PUM2: variants seen among roughly 807,000 people sequenced by gnomAD.
The protein encoded by PUM2 is pumilio RNA binding family member 2.
PUM2 carries 57 observed loss-of-function variants against 124.5 expected under a neutral mutation model. The observed-to-expected ratio is 0.46, with a 90% CI of 0.37 to 0.57. The LOEUF (loss-of-function observed/expected upper bound fraction) is 0.57, where lower values mean the gene tolerates loss of function less well. Ranked by LOEUF, PUM2 falls within the 20% of genes least tolerant of loss-of-function variation. The pLI is 0.00. For missense variants in PUM2, 1,065 were observed against 1,290.6 expected, an observed-to-expected ratio of 0.83 and a Z score of 2.68; for synonymous variants, 460 against 446.1, an observed-to-expected ratio of 1.03 and a Z score of -0.39.
At chr2:20,258,485 G>T in intron 15 of PUM2, 114 bp from the exon 16 acceptor site, 2 of 969,796 alleles carry the variant, frequency 2.1e-6, no homozygotes, top group Non-Finnish European at 2.9e-6. Context: ...TAGGGCAGGG[G>T]CTTTAAGGTA....
At chr2:20,306,518 T>G (rs1678336703) in intron 7 of PUM2, among the ~76,000 whole-genome samples, 1 of 144,848 alleles carries the variant, frequency 6.9e-6, no homozygotes, top group Non-Finnish European at 1.5e-5. Flanking sequence ...ATAAAGCGGG[T>G]GGGGAAAAAA....
intron 1 of PUM2, among the ~76,000 whole-genome samples, chr2:20,343,510 G>T (rs1687627280): frequency 6.6e-6 from 1 of 152,180 alleles, no homozygotes; most frequent in South Asian, 2.1e-4. Context: ...AGTTGTGCTA[G>T]TAATTGTACA....
At chr2:20,272,968 T>C (rs1443151916) in intron 13 of PUM2, among the ~76,000 whole-genome samples, 2 of 152,218 alleles carry the variant, frequency 1.3e-5, no homozygotes, top group African/African-American at 2.4e-5. Context: ...TTCTAAGAGA[T>C]ATATGCTACT....
chr2:20,279,664 T>C (rs966847688), intron 12 of PUM2, among the ~76,000 whole-genome samples: 1 of 152,170 alleles, frequency 6.6e-6, no homozygotes, highest in Non-Finnish European at 1.5e-5. Flanking sequence ...GTAACTATTA[T>C]CCTTCTAATC....
At chr2:20,342,162 T>C (rs1026975618) in intron 1 of PUM2, among the ~76,000 whole-genome samples, 9 of 151,752 alleles carry the variant, frequency 5.9e-5, no homozygotes, top group Admixed American at 5.9e-4. Flanking sequence ...AAAGAAATGT[T>C]AACTAAATTG....
chr2:20,305,786 A>G (rs1219787135), intron 7 of PUM2, among the ~76,000 whole-genome samples: 2 of 152,232 alleles, frequency 1.3e-5, no homozygotes, highest in African/African-American at 4.8e-5. Context: ...GAAGAAAGCC[A>G]TTTACAATAA....
rs921130239 is a variant in PUM2 at position 20,257,372 on chromosome 2, T to C, written c.2484+871A>G. The stretch of plus-strand genomic sequence containing the variant: ...TCATCCATCCATATATTACTATTTA[T>C]TGAAATTTTCTTTTATTGTATGAGT... On this transcript the variant is annotated intron_variant, in intron 16 of 20. Coordinates refer to ENST00000361078, the MANE Select transcript of PUM2 (RefSeq NM_015317.5). 7.2e-5 allele frequency among the ~76,000 whole-genome samples: 11 copies of C among 152,310 alleles called. 1 individual carries two copies. The highest frequency in any genetic ancestry group is 7.4e-5 in the Non-Finnish European group (5 of 68,006).
At chr2:20,311,281 C>T (rs960404937) in intron 5 of PUM2, among the ~76,000 whole-genome samples, 3 of 152,082 alleles carry the variant, frequency 2.0e-5, no homozygotes, top group East Asian at 1.9e-4. Context: ...CAACAGAATG[C>T]ACTGTTTCAG....
At chr2:20,292,003 G>C (rs893296408) in intron 9 of PUM2, among the ~76,000 whole-genome samples, 8 of 151,118 alleles carry the variant, frequency 5.3e-5, no homozygotes, top group African/African-American at 1.9e-4. Flanking sequence ...GTTGGTGTGT[G>C]AGCCAGAAAT....
intron 13 of PUM2, among the ~76,000 whole-genome samples, chr2:20,268,709 T>C (rs13409830): frequency 0.035 from 5,321 of 152,204 alleles, 89 homozygotes; most frequent in Middle Eastern, 0.068. Flanking sequence ...AATGCTGAAA[T>C]AAAAATATAA....
chr2:20,317,330 T>A (rs1046711902), intron 3 of PUM2, among the ~76,000 whole-genome samples: 1 of 152,196 alleles, frequency 6.6e-6, no homozygotes, highest in South Asian at 2.1e-4. Context: ...CCACTACTTA[T>A]GAAGTTGAAA....
intron 10 of PUM2, among the ~76,000 whole-genome samples, chr2:20,287,060 A>G (rs541069973): frequency 5.9e-5 from 9 of 152,328 alleles, no homozygotes; most frequent in African/African-American, 2.2e-4. Context: ...ACAAAAAAAC[A>G]TGGTCCTCGT....
At chr2:20,267,229 T>C (rs964092944) in intron 13 of PUM2, among the ~76,000 whole-genome samples, 1 of 152,060 alleles carries the variant, frequency 6.6e-6, no homozygotes, top group Non-Finnish European at 1.5e-5. Flanking sequence ...TTTCACCATG[T>C]TGGCTAGGCT....
At chr2:20,316,931 T>C (rs1297772703) in intron 3 of PUM2, among the ~76,000 whole-genome samples, 1 of 152,024 alleles carries the variant, frequency 6.6e-6, no homozygotes. Context: ...CTCAGGAGGC[T>C]GAGGCAGGAG....
chr2:20,254,848 A>G lies in PUM2; in HGVS notation c.2870+15T>C, dbSNP rs1458573872. 4.4e-6 allele frequency: 7 copies of G among 1,608,434 alleles called. No homozygotes were observed. Among genetic ancestry groups the G allele is most frequent in the South Asian group, 1.1e-5 (1 of 89,722 alleles). Reference sequence around the variant, plus strand: ...TGAAAGAATTGACCCTTAAAATTACAAAGTATTACAATACCTGGCAAATTT... The same window carrying G: ...TGAAAGAATTGACCCTTAAAATTACGAAGTATTACAATACCTGGCAAATTT... On this transcript the variant is annotated intron_variant, in intron 19 of 20. Coordinates refer to ENST00000361078, the MANE Select transcript of PUM2 (RefSeq NM_015317.5).
intron 7 of PUM2, among the ~76,000 whole-genome samples, chr2:20,301,749 G>A (rs908292948): frequency 1.3e-5 from 2 of 152,200 alleles, no homozygotes; most frequent in Non-Finnish European, 2.9e-5. Flanking sequence ...TACCATACCT[G>A]GCTGATTTTT....
At chr2:20,265,252 A>G (rs889375160) in intron 13 of PUM2, among the ~76,000 whole-genome samples, 1 of 151,346 alleles carries the variant, frequency 6.6e-6, no homozygotes, top group Non-Finnish European at 1.5e-5. Context: ...ACCGTCACAA[A>G]AAAAAAAAAA....
At chr2:20,269,798 C>G (rs569349940) in intron 13 of PUM2, among the ~76,000 whole-genome samples, 3 of 152,298 alleles carry the variant, frequency 2.0e-5, no homozygotes, top group Admixed American at 2.0e-4. Flanking sequence ...TTTTAAAAAT[C>G]TTACCTTTTA....
rs142995925 is a variant in PUM2 at position 20,283,918 on chromosome 2, G to A, written c.1292-432C>T. On this transcript the variant is annotated intron_variant, in intron 10 of 20. Coordinates refer to ENST00000361078, the MANE Select transcript of PUM2 (RefSeq NM_015317.5). ...TCAAGTGCCTCATTACCAGCATTCC[G>A]TTAGATTTTCATTTGTAATCATCTC... Among the ~76,000 whole-genome samples the A allele has an allele frequency of 9.7e-4, 147 of 152,262 alleles. 2 individuals carry two copies. Among genetic ancestry groups the A allele is most frequent in the African/African-American group, 3.3e-3 (136 of 41,542 alleles).
Sources: allele counts gnomAD v4.1 joint callset (sites outside exome capture counted in the v4.1 genomes callset), GRCh38; gene constraint gnomAD v4.1.1; transcripts MANE v1.5; gene names NCBI Gene and HGNC (gene_info 2026-07-23, HGNC 2026-07-21).